Variants in NRXN3 observed in about 807,000 individuals in gnomAD.
NRXN3 encodes the protein neurexin 3.
In NRXN3, 32 loss-of-function variants were observed where a neutral mutation model predicts 137.6. That is an observed-to-expected ratio of 0.23 (90% confidence interval 0.18 to 0.31). The LOEUF is 0.31. Ranked by LOEUF, NRXN3 falls within the 10% of genes least tolerant of loss-of-function variation. The pLI is 1.00. For missense variants in NRXN3, 1,574 were observed against 2,062.5 expected (o/e 0.76, Z 4.59); for synonymous variants, 798 against 784.5 (o/e 1.02, Z -0.29).
chr14:78,778,698 C>CTT (rs1567284752), intron 8 of NRXN3, among the ~76,000 whole-genome samples: 1 of 145,026 alleles, frequency 6.9e-6, no homozygotes, highest in Non-Finnish European at 1.5e-5. Context: ...TTCTTTCTTT[C>CTT]TTTCTTTCTT....
At chr14:78,447,594 C>A (rs967622538) in intron 4 of NRXN3, among the ~76,000 whole-genome samples, 9 of 152,204 alleles carry the variant, frequency 5.9e-5, no homozygotes, top group African/African-American at 2.2e-4. Flanking sequence ...CCACTCCAAG[C>A]CCCAAAGGGG....
chr14:78,342,683 A>G (rs2082269063), intron 4 of NRXN3, among the ~76,000 whole-genome samples: 1 of 152,136 alleles, frequency 6.6e-6, no homozygotes, highest in South Asian at 2.1e-4. Flanking sequence ...AAGACCTTGA[A>G]TTCTTAATTA....
chr14:78,764,604 A>G lies in NRXN3; in HGVS notation c.2045-39016A>G, dbSNP rs183471277. Among the ~76,000 whole-genome samples, 313 of 152,344 alleles carry G rather than the reference A, an allele frequency of 2.1e-3. 1 individual carries two copies. The highest frequency in any genetic ancestry group is 7.2e-3 in the African/African-American group (300 of 41,582). On this transcript the variant is annotated intron_variant, in intron 8 of 20. Transcript: ENST00000335750. ...GAATAACAATTGCTAAGCTTAAAAC[A>G]TGTTACAAAAATGTTAAGAATTCTT...
intron 4 of NRXN3, among the ~76,000 whole-genome samples, chr14:78,334,968 A>G (rs747264023): frequency 5.3e-5 from 8 of 152,170 alleles, no homozygotes; most frequent in Non-Finnish European, 8.8e-5. Flanking sequence ...CTCTCCATGA[A>G]GGAAACAGGA....
At chr14:79,237,080 G>GT (rs778317264) in intron 15 of NRXN3, among the ~76,000 whole-genome samples, 18,856 of 144,226 alleles carry the variant, frequency 0.13, 1,286 homozygotes, top group Non-Finnish European at 0.15. Flanking sequence ...TCACAAGGGT[G>GT]TTTTTTTTTT....
chr14:78,320,630 CG>C (rs1305886438), intron 4 of NRXN3, among the ~76,000 whole-genome samples: 14 of 152,170 alleles, frequency 9.2e-5, no homozygotes, highest in African/African-American at 3.4e-4. Context: ...GTAGATCTGA[CG>C]GGAGACCTAG....
chr14:78,653,710 T>TACACACAC (rs10650669), intron 6 of NRXN3, among the ~76,000 whole-genome samples: 5,097 of 142,944 alleles, frequency 0.036, 293 homozygotes, highest in African/African-American at 0.12. Context: ...GAAAATAAAA[T>TACACACAC]ACACACACAC....
chr14:79,851,189 G>A (rs574782009), intron 20 of NRXN3, among the ~76,000 whole-genome samples: 2 of 152,068 alleles, frequency 1.3e-5, no homozygotes, highest in African/African-American at 4.8e-5. Flanking sequence ...CACTTAGACC[G>A]GTTATGTTTC....
intron 6 of NRXN3, among the ~76,000 whole-genome samples, chr14:78,653,526 C>T (rs773844019): frequency 1.3e-5 from 2 of 152,154 alleles, no homozygotes; most frequent in African/African-American, 4.8e-5. Context: ...TTAATTTTCT[C>T]CTACACACAA....
rs74065968 is a variant in NRXN3 at position 78,276,787 on chromosome 14, G to A, written c.710-1858G>A. On this transcript the variant is annotated intron_variant, in intron 2 of 20. Coordinates refer to ENST00000335750, the MANE Select transcript of NRXN3 (RefSeq NM_001330195.2). ...CCCTGTGACTTGGTGTCCCCAAGGA[G>A]CCTATTTGTATGAACAATGGTGTTG... Among the ~76,000 whole-genome samples the A allele has an allele frequency of 2.2e-3, 336 of 152,308 alleles. 2 individuals carry two copies. Among genetic ancestry groups the A allele is most frequent in the African/African-American group, 7.8e-3 (325 of 41,564 alleles).
chr14:78,292,479 C>T (rs976286946), intron 3 of NRXN3, among the ~76,000 whole-genome samples: 2 of 152,118 alleles, frequency 1.3e-5, no homozygotes, highest in African/African-American at 2.4e-5. Context: ...ATTAACAGGA[C>T]TAGAAAGAGG....
chr14:79,556,262 A>G (rs1035020216), intron 16 of NRXN3, among the ~76,000 whole-genome samples: 1 of 152,258 alleles, frequency 6.6e-6, no homozygotes, highest in African/African-American at 2.4e-5. Context: ...TTTTATGTGT[A>G]TTATTCTCTG....
intron 15 of NRXN3, among the ~76,000 whole-genome samples, chr14:79,055,683 G>T (rs2099658977): frequency 6.6e-6 from 1 of 152,118 alleles, no homozygotes; most frequent in South Asian, 2.1e-4. Context: ...AGGATGCTGT[G>T]GGAATAAATG....
At chr14:79,011,397 C>G (rs1298484613) in intron 15 of NRXN3, among the ~76,000 whole-genome samples, 17 of 124,914 alleles carry the variant, frequency 1.4e-4, no homozygotes, top group African/African-American at 5.6e-4. Flanking sequence ...CACCTCCCCC[C>G]AACCCCACCC....
chr14:79,357,475 T>C (rs1473826833), intron 15 of NRXN3, among the ~76,000 whole-genome samples: 1 of 152,162 alleles, frequency 6.6e-6, no homozygotes, highest in African/African-American at 2.4e-5. Flanking sequence ...CTGGGACTGT[T>C]CCAATTTAAG....
intron 1 of NRXN3, among the ~76,000 whole-genome samples, chr14:78,182,635 A>AC (rs1555392499): frequency 6.6e-6 from 1 of 151,688 alleles, no homozygotes; most frequent in African/African-American, 2.4e-5. Flanking sequence ...AGCCCAGCTG[A>AC]TTTTTTTGTA....
chr14:78,417,493 T>C (rs964507198), intron 4 of NRXN3, among the ~76,000 whole-genome samples: 2 of 152,228 alleles, frequency 1.3e-5, no homozygotes, highest in Middle Eastern at 6.3e-3. Flanking sequence ...CATAGCATTA[T>C]TATGACTTAT....
chr14:79,611,589 G>A (rs1333683316), intron 16 of NRXN3: 1 of 152,304 alleles, frequency 6.6e-6, no homozygotes, highest in Non-Finnish European at 1.5e-5. Flanking sequence ...GACAGAGCGA[G>A]ACTCCGTGTC....
intron 4 of NRXN3, among the ~76,000 whole-genome samples, chr14:78,549,474 A>C (rs188364765): frequency 6.6e-6 from 1 of 152,162 alleles, no homozygotes; most frequent in African/African-American, 2.4e-5. Context: ...ACCTGTGTGA[A>C]TCTTGATCAC....
Sources: allele counts gnomAD v4.1 joint callset (sites outside exome capture counted in the v4.1 genomes callset), GRCh38; gene constraint gnomAD v4.1.1; transcripts MANE v1.5; gene names NCBI Gene and HGNC (gene_info 2026-07-23, HGNC 2026-07-21).